Variants in RYR3 observed in about 807,000 individuals in gnomAD.
RYR3 encodes the protein ryanodine receptor 3, also known as brain ryanodine receptor-calcium release channel.
Under a neutral mutation model 584.3 loss-of-function variants are expected in RYR3, and 207 were observed. The ratio of observed to expected loss-of-function variants is 0.35; its 90% CI spans 0.32 to 0.40. The LOEUF (loss-of-function observed/expected upper bound fraction) is 0.40, where lower values mean the gene tolerates loss of function less well. RYR3 is among the 10% of genes least tolerant of loss of function. The pLI is 1.00. For synonymous variants in RYR3, 2,416 were observed against 2,248.5 expected (o/e 1.07, Z -2.11); for missense variants, 5,616 against 6,089.2 (o/e 0.92, Z 2.59).
chr15:33,819,077 C>T lies in RYR3; in HGVS notation c.10706+393C>T, dbSNP rs189063791. 6.0e-3 allele frequency among the ~76,000 whole-genome samples: 909 copies of T among 151,388 alleles called. 1 individual carries two copies. The highest frequency in any genetic ancestry group is 1.0e-2 in the Non-Finnish European group (677 of 67,764). Reference sequence around the variant, plus strand: ...GGCGGAGGTTGCAGTGAGCCGAGATCACACCACTGCACTCCAGCCTGGGCG... The same window carrying T: ...GGCGGAGGTTGCAGTGAGCCGAGATTACACCACTGCACTCCAGCCTGGGCG... On this transcript the variant is annotated intron_variant, in intron 76 of 103. Transcript: ENST00000634891.
At chr15:33,593,954 GA>G (rs2059255443) in intron 16 of RYR3, among the ~76,000 whole-genome samples, 1 of 152,172 alleles carries the variant, frequency 6.6e-6, no homozygotes, top group African/African-American at 2.4e-5. Context: ...GGCTTTGATG[GA>G]ACTTTGTTCC....
chr15:33,620,372 A>G (rs1245947834), intron 19 of RYR3, among the ~76,000 whole-genome samples: 3 of 152,166 alleles, frequency 2.0e-5, no homozygotes, highest in Admixed American at 6.5e-5. Context: ...CTCCAAAGGA[A>G]TTCTTTCCTT....
At chr15:33,661,919 T>C (rs1334557271) in intron 34 of RYR3, among the ~76,000 whole-genome samples, 1 of 152,218 alleles carries the variant, frequency 6.6e-6, no homozygotes, top group Non-Finnish European at 1.5e-5. Context: ...GACTTTCATA[T>C]TTGGTAAACC....
Position 33,696,265 on chromosome 15 carries a change from G to A in RYR3, c.5908G>A (p.Glu1970Lys). 6.2e-7 allele frequency: 1 copy of A among 1,613,780 alleles called. No homozygotes were observed. The highest frequency in any genetic ancestry group is 8.5e-7 in the Non-Finnish European group (1 of 1,179,854). The change falls in exon 39 of 104, where the codon GAG (glutamate) becomes AAG (lysine). Residue 1970 changes from glutamate to lysine, a missense_variant. Glu to Lys is a moderately conservative substitution (Grantham distance 56, BLOSUM62 1). Around this residue, in one of 9 missense-constraint regions of RYR3, gnomAD observed 1,280 missense variants for 1,426.2 expected, o/e 0.90. Transcript: ENST00000634891. ...ISQTMICWAQ[E>K]DQIQDSELVR... ...ACAGACGATGATCTGCTGGGCCCAGGAGGACCAGATCCAGGATTCAGAGCT... is the reference window on the plus strand; with the variant it reads ...ACAGACGATGATCTGCTGGGCCCAGAAGGACCAGATCCAGGATTCAGAGCT...
rs1242248582 is a variant in RYR3, at chr15:33,586,053, G to A, written c.1725G>A (p.Leu575=). 1 of 1,613,716 alleles carries A rather than the reference G, an allele frequency of 6.2e-7. No homozygotes were observed. The highest frequency in any genetic ancestry group is 8.5e-7 in the Non-Finnish European group (1 of 1,179,672). The change falls in exon 16 of 104, where the codon CTG becomes CTA. Residue 575 remains leucine, a synonymous_variant. Transcript: ENST00000634891. ...CTGAAAGCCCAGAAGCCTTAAATCT[G>A]ATAGCGGAGGGCCACATCAAGTCGA... The part of the protein sequence containing the change: ...ILTESPEALN[L]IAEGHIKSII...
intron 3 of RYR3, among the ~76,000 whole-genome samples, 153 bp from the exon 4 acceptor site, chr15:33,530,439 C>T (rs1290906200): frequency 2.6e-5 from 4 of 152,194 alleles, no homozygotes; most frequent in Non-Finnish European, 4.4e-5. Flanking sequence ...TCTTTCTGCC[C>T]GTAGACCAGC....
chr15:33,366,306 T>A (rs980910291), intron 1 of RYR3, among the ~76,000 whole-genome samples: 6 of 152,202 alleles, frequency 3.9e-5, no homozygotes, highest in Admixed American at 2.0e-4. Flanking sequence ...TGGTCTTGTC[T>A]GTTCAACGGT....
At chr15:33,445,700 C>CACAA (rs1424466742) in intron 1 of RYR3, among the ~76,000 whole-genome samples, 1 of 151,050 alleles carries the variant, frequency 6.6e-6, no homozygotes, top group African/African-American at 2.4e-5. Flanking sequence ...CACACACACA[C>CACAA]ACACACACAC....
intron 22 of RYR3, 141 bp from the exon 23 acceptor site, chr15:33,631,069 G>A: frequency 3.5e-6 from 2 of 575,748 alleles, no homozygotes; most frequent in Non-Finnish European, 3.1e-6. Context: ...CATTTACTCT[G>A]TGGCCCCTTA....
chr15:33,422,644 CAG>C (rs143193767), intron 1 of RYR3, among the ~76,000 whole-genome samples: 1 of 151,294 alleles, frequency 6.6e-6, no homozygotes, highest in Non-Finnish European at 1.5e-5. Flanking sequence ...CGTGGGCAAG[CAG>C]AGAGAGAGAG....
intron 45 of RYR3, 89 bp from the exon 46 acceptor site, chr15:33,726,295 AAG>A: frequency 6.9e-7 from 1 of 1,443,514 alleles, no homozygotes; most frequent in East Asian, 2.4e-5. Flanking sequence ...CCCTGCCCTT[AAG>A]CCGTTTTACT....
At chr15:33,495,579 A>G (rs1381054178) in intron 2 of RYR3, among the ~76,000 whole-genome samples, 1 of 152,140 alleles carries the variant, frequency 6.6e-6, no homozygotes, top group South Asian at 2.1e-4. Flanking sequence ...GTATATATGG[A>G]TTCTATTCTT....
At chr15:33,808,552 G>A (rs746434187) in intron 70 of RYR3, among the ~76,000 whole-genome samples, 2 of 152,168 alleles carry the variant, frequency 1.3e-5, no homozygotes, top group Admixed American at 6.5e-5. Context: ...GTATACATAC[G>A]TGATATCACA....
intron 34 of RYR3, 71 bp from the exon 35 acceptor site, chr15:33,662,082 C>T: frequency 7.5e-7 from 1 of 1,326,650 alleles, no homozygotes; most frequent in Non-Finnish European, 1.0e-6. Flanking sequence ...CTTTGTTGGG[C>T]TGGATGAAAT....
intron 1 of RYR3, among the ~76,000 whole-genome samples, chr15:33,405,299 T>C (rs1350390823): frequency 6.6e-6 from 1 of 152,224 alleles, no homozygotes; most frequent in Non-Finnish European, 1.5e-5. Flanking sequence ...ATTCACTTCA[T>C]TAAGAATGTG....
At chr15:33,750,958 G>T (rs572126697) in intron 57 of RYR3, among the ~76,000 whole-genome samples, 1 of 152,192 alleles carries the variant, frequency 6.6e-6, no homozygotes, top group East Asian at 1.9e-4. Flanking sequence ...ACTTACGAGT[G>T]AGAACATGTT....
intron 3 of RYR3, among the ~76,000 whole-genome samples, chr15:33,508,705 T>C (rs2052698707): frequency 6.6e-6 from 1 of 152,160 alleles, no homozygotes; most frequent in South Asian, 2.1e-4. Context: ...AAAGATATTA[T>C]TTCTGCAAGA....
chr15:33,754,460 C>T (rs1366404601), intron 57 of RYR3, among the ~76,000 whole-genome samples: 1 of 152,188 alleles, frequency 6.6e-6, no homozygotes, highest in Non-Finnish European at 1.5e-5. Flanking sequence ...AGGACCTTTG[C>T]ACTGTCTCTT....
intron 67 of RYR3, among the ~76,000 whole-genome samples, chr15:33,799,333 A>G (rs1014184864): frequency 6.6e-6 from 1 of 152,116 alleles, no homozygotes; most frequent in East Asian, 1.9e-4. Flanking sequence ...CAGCCCCACC[A>G]CCATTTACCC....
Sources: allele counts gnomAD v4.1 joint callset (sites outside exome capture counted in the v4.1 genomes callset), GRCh38; gene constraint gnomAD v4.1.1; regional missense constraint gnomAD v4.1.1; transcripts MANE v1.5; gene names NCBI Gene and HGNC (gene_info 2026-07-23, HGNC 2026-07-21).